BMAL1: variants seen among roughly 807,000 people sequenced by gnomAD.
BMAL1 encodes basic helix-loop-helix ARNT-like protein 1.
At chr11:13,307,774 T>G in the BMAL1 span, among the ~76,000 whole-genome samples, 1 of 152,236 alleles carries the variant, frequency 6.6e-6, no homozygotes, top group Non-Finnish European at 1.5e-5. Flanking sequence ...CAGTCAGGAC[T>G]GCCAGTGGAG....
the BMAL1 span, among the ~76,000 whole-genome samples, chr11:13,280,965 T>G: frequency 6.6e-6 from 1 of 152,182 alleles, no homozygotes; most frequent in Non-Finnish European, 1.5e-5. Context: ...AGGTTTGGGC[T>G]TTGTGGTCTT....
At chr11:13,376,823 A>G in the BMAL1 span, 5 of 1,219,186 alleles carry the variant, frequency 4.1e-6, no homozygotes, top group African/African-American at 1.5e-5. Context: ...CCCTCCATTC[A>G]TATTCTGTGG....
At chr11:13,339,430 T>TAC in the BMAL1 span, among the ~76,000 whole-genome samples, 1,118 of 144,282 alleles carry the variant, frequency 7.7e-3, 7 homozygotes, top group Non-Finnish European at 0.011. Context: ...GCCCTGCTTT[T>TAC]ACACACACAC....
the BMAL1 span, among the ~76,000 whole-genome samples, chr11:13,324,397 C>T: frequency 6.6e-6 from 1 of 152,142 alleles, no homozygotes; most frequent in African/African-American, 2.4e-5. Flanking sequence ...ACTGTTCCCC[C>T]TGTTGTCTCA....
At chr11:13,309,669 A>G in the BMAL1 span, among the ~76,000 whole-genome samples, 1 of 152,038 alleles carries the variant, frequency 6.6e-6, no homozygotes, top group Non-Finnish European at 1.5e-5. Flanking sequence ...GGACGGGGTG[A>G]ATTTAACAGG....
chr11:13,310,617 G>C, the BMAL1 span, among the ~76,000 whole-genome samples: 1 of 152,142 alleles, frequency 6.6e-6, no homozygotes, highest in Non-Finnish European at 1.5e-5. Flanking sequence ...ACTCTGCTGT[G>C]GTAACATGCA....
At chr11:13,375,887 T>C in the BMAL1 span, 1 of 929,252 alleles carries the variant, frequency 1.1e-6, no homozygotes, top group South Asian at 2.5e-5. Flanking sequence ...TGCTAATACC[T>C]GTGAAGCCTC....
the BMAL1 span, among the ~76,000 whole-genome samples, chr11:13,278,398 C>T: frequency 3.9e-5 from 6 of 152,214 alleles, no homozygotes; most frequent in African/African-American, 1.4e-4. Flanking sequence ...CCGAGGGGAC[C>T]ATGCCTGGTG....
the BMAL1 span, among the ~76,000 whole-genome samples, chr11:13,350,854 A>G: frequency 1.3e-5 from 2 of 152,246 alleles, no homozygotes; most frequent in Non-Finnish European, 2.9e-5. Context: ...AAACAAAGTT[A>G]AAAAGCAAAA....
chr11:13,338,187 G>A, the BMAL1 span, among the ~76,000 whole-genome samples: 2 of 152,000 alleles, frequency 1.3e-5, no homozygotes, highest in East Asian at 3.9e-4. Context: ...GAAGTTTGTG[G>A]GTTTTTTTTT....
At chr11:13,385,269 T>TTGAGCTG in the BMAL1 span, among the ~76,000 whole-genome samples, 4 of 152,270 alleles carry the variant, frequency 2.6e-5, no homozygotes, top group African/African-American at 9.6e-5. Context: ...ATTTGACTCC[T>TTGAGCTG]TGAGCTGTGT....
chr11:13,385,906 G>T, the BMAL1 span: 44 of 805,596 alleles, frequency 5.5e-5, no homozygotes, highest in South Asian at 2.4e-4. Context: ...AATTTGATAG[G>T]AACAGAATAA....
chr11:13,309,601 C>A, the BMAL1 span, among the ~76,000 whole-genome samples: 1 of 152,102 alleles, frequency 6.6e-6, no homozygotes, highest in Non-Finnish European at 1.5e-5. Flanking sequence ...ATCCATTTTA[C>A]AAGTATTTAT....
the BMAL1 span, among the ~76,000 whole-genome samples, chr11:13,296,895 C>A: frequency 2.0e-5 from 3 of 152,166 alleles, no homozygotes; most frequent in African/African-American, 7.2e-5. Flanking sequence ...GTGGCTCTGT[C>A]AGCCTCAGGC....
At chr11:13,331,750 A>G in the BMAL1 span, among the ~76,000 whole-genome samples, 10 of 152,266 alleles carry the variant, frequency 6.6e-5, no homozygotes, top group East Asian at 1.9e-3. Context: ...GTGAACCTCT[A>G]TCTCTTTCTT....
chr11:13,386,000 G>A, the BMAL1 span, among the ~76,000 whole-genome samples: 18 of 152,336 alleles, frequency 1.2e-4, no homozygotes, highest in African/African-American at 4.3e-4. Context: ...TGGAACTCAA[G>A]AGGAGGCTAC....
chr11:13,384,080 A>G, the BMAL1 span, among the ~76,000 whole-genome samples: 1 of 152,170 alleles, frequency 6.6e-6, no homozygotes, highest in Admixed American at 6.6e-5. Flanking sequence ...TTTTTATTGT[A>G]TATGGTCATT....
chr11:13,354,408 G>C, the BMAL1 span: 3 of 1,614,076 alleles, frequency 1.9e-6, no homozygotes, highest in African/African-American at 4.0e-5. Context: ...CAGTGGTGTG[G>C]ATTGCAACCG....
the BMAL1 span, among the ~76,000 whole-genome samples, chr11:13,305,534 G>T: frequency 6.6e-6 from 1 of 152,108 alleles, no homozygotes; most frequent in Non-Finnish European, 1.5e-5. Context: ...ATAGACAATT[G>T]TATCACTTGC....
Sources: allele counts gnomAD v4.1 joint callset (sites outside exome capture counted in the v4.1 genomes callset), GRCh38; gene constraint gnomAD v4.1.1; transcripts MANE v1.5; gene names NCBI Gene and HGNC (gene_info 2026-07-23, HGNC 2026-07-21).